OR51B5: variants seen among roughly 807,000 people sequenced by gnomAD.
OR51B5 encodes the protein olfactory receptor 51B5.
For synonymous variants in OR51B5, 186 were observed against 144.8 expected, an observed-to-expected ratio of 1.28 and a Z score of -2.04; for missense variants, 456 against 374.6, an observed-to-expected ratio of 1.22 and a Z score of -1.79.
At chr11:5,384,314 AGT>A (rs1452774182) in intron 1 of OR51B5, among the ~76,000 whole-genome samples, 1 of 152,212 alleles carries the variant, frequency 6.6e-6, no homozygotes, top group African/African-American at 2.4e-5. Context: ...CAGGATTATA[AGT>A]GTGAACCACC....
exon 1 of OR51B5, chr11:5,342,697 A>G: frequency 6.2e-7 from 1 of 1,613,982 alleles, no homozygotes; most frequent in South Asian, 1.1e-5. Flanking sequence ...GAAAATAGGC[A>G]TAGCTCATAA....
intron 1 of OR51B5, among the ~76,000 whole-genome samples, chr11:5,485,355 A>G (rs1300861391): frequency 6.6e-6 from 1 of 152,220 alleles, no homozygotes; most frequent in African/African-American, 2.4e-5. Context: ...TGAGAGCTCT[A>G]GAAATAGATG....
chr11:5,365,032 G>A (rs1195022043), intron 1 of OR51B5, among the ~76,000 whole-genome samples: 2 of 152,200 alleles, frequency 1.3e-5, no homozygotes, highest in African/African-American at 4.8e-5. Context: ...TCTTGTCACA[G>A]CAATGAATCT....
chr11:5,440,982 T>A lies in OR51B5; in HGVS notation n.84+64587A>T, dbSNP rs746573144. The A allele has an allele frequency of 1.7e-5, 27 of 1,613,534 alleles. No homozygotes were observed. The highest frequency in any genetic ancestry group is 2.3e-5 in the Non-Finnish European group (27 of 1,179,882). On this transcript the variant is annotated intron_variant and non_coding_transcript_variant, in intron 1 of 4. Transcript: ENST00000415970. Reference sequence around the variant, plus strand: ...GAGATCTGGATGGAGACAGTAGGAGTGATGCAAAACATTGCCTTTGCAGAA... The same window carrying A: ...GAGATCTGGATGGAGACAGTAGGAGAGATGCAAAACATTGCCTTTGCAGAA...
intron 1 of OR51B5, among the ~76,000 whole-genome samples, chr11:5,498,149 G>C (rs1194494220): frequency 6.6e-6 from 1 of 152,198 alleles, no homozygotes; most frequent in African/African-American, 2.4e-5. Context: ...TCCACCAGCA[G>C]AAGAGGTAGC....
At chr11:5,399,985 G>A (rs1056549411) in intron 1 of OR51B5, among the ~76,000 whole-genome samples, 5 of 152,298 alleles carry the variant, frequency 3.3e-5, no homozygotes, top group Admixed American at 2.0e-4. Context: ...GCTCAATCCA[G>A]AGGCAGATCA....
At chr11:5,481,771 T>G (rs1851425122) in intron 1 of OR51B5, among the ~76,000 whole-genome samples, 1 of 123,402 alleles carries the variant, frequency 8.1e-6, no homozygotes, top group Non-Finnish European at 1.6e-5. Flanking sequence ...TCAAAGAGAA[T>G]AAAATACCTA....
chr11:5,381,236 ACT>A (rs1849605912), intron 1 of OR51B5, among the ~76,000 whole-genome samples: 1 of 152,092 alleles, frequency 6.6e-6, no homozygotes, highest in African/African-American at 2.4e-5. Flanking sequence ...AAATAGGTAC[ACT>A]GTTACAGTGA....
chr11:5,456,417 T>G (rs1850959685), intron 1 of OR51B5: 1 of 152,170 alleles, frequency 6.6e-6, no homozygotes, highest in African/African-American at 2.4e-5. Flanking sequence ...GCAGCTCTAA[T>G]CCTAAAAAGG....
At chr11:5,403,766 G>A (rs146386470) in intron 1 of OR51B5, among the ~76,000 whole-genome samples, 1 of 152,244 alleles carries the variant, frequency 6.6e-6, no homozygotes, top group East Asian at 1.9e-4. Context: ...TTTAAAACAT[G>A]TGGTATGAGG....
At chr11:5,380,532 G>A (rs909509167) in intron 1 of OR51B5, among the ~76,000 whole-genome samples, 1 of 152,124 alleles carries the variant, frequency 6.6e-6, no homozygotes, top group African/African-American at 2.4e-5. Context: ...TGTGAGTCTG[G>A]AGACATTGAG....
chr11:5,451,046 T>A (rs559531821), intron 1 of OR51B5, among the ~76,000 whole-genome samples: 1 of 152,246 alleles, frequency 6.6e-6, no homozygotes, highest in Non-Finnish European at 1.5e-5. Flanking sequence ...TCAGTGTCCA[T>A]ATCTGTTAAG....
intron 1 of OR51B5, among the ~76,000 whole-genome samples, chr11:5,356,810 G>A (rs1167372238): frequency 1.6e-5 from 2 of 125,526 alleles, no homozygotes. Context: ...GAAGAGAGTG[G>A]GGGCCAATAT....
At chr11:5,352,206 C>G in intron 1 of OR51B5, 1 of 1,614,112 alleles carries the variant, frequency 6.2e-7, no homozygotes, top group Non-Finnish European at 8.5e-7. Flanking sequence ...GAGAAAGGGC[C>G]AAGGCCCTCA....
chr11:5,395,864 T>C (rs1849862369), intron 1 of OR51B5, among the ~76,000 whole-genome samples: 1 of 152,192 alleles, frequency 6.6e-6, no homozygotes, highest in South Asian at 2.1e-4. Flanking sequence ...AATCTTTTCT[T>C]AGAGCTCACT....
chr11:5,418,560 G>A (rs1850277230), intron 1 of OR51B5, among the ~76,000 whole-genome samples: 2 of 152,122 alleles, frequency 1.3e-5, no homozygotes, highest in Admixed American at 1.3e-4. Flanking sequence ...TGAAAAGGAT[G>A]AGTTCATGTC....
intron 1 of OR51B5, among the ~76,000 whole-genome samples, chr11:5,373,512 G>C (rs893947009): frequency 1.3e-5 from 2 of 152,126 alleles, no homozygotes; most frequent in African/African-American, 4.8e-5. Flanking sequence ...TGCACCAGCC[G>C]AAGCAGGGTG....
At chr11:5,438,234 G>A (rs1017014182) in intron 1 of OR51B5, among the ~76,000 whole-genome samples, 1 of 151,978 alleles carries the variant, frequency 6.6e-6, no homozygotes, top group African/African-American at 2.4e-5. Context: ...TGTTATTAGA[G>A]GCAGCATGAA....
chr11:5,340,953 T>C (rs1262779811), downstream of OR51B5: 5 of 152,186 alleles, frequency 3.3e-5, no homozygotes, highest in Admixed American at 6.5e-5. Flanking sequence ...ATCACATATA[T>C]GCACTCACAC....
Sources: gnomAD v4.1 joint callset for allele counts (sites outside exome capture counted in the v4.1 genomes callset) on GRCh38, gnomAD v4.1.1 for gene constraint, MANE v1.5 for transcripts, NCBI Gene and HGNC (gene_info 2026-07-23, HGNC 2026-07-21) for gene names.